TRDN: variants seen among roughly 807,000 people sequenced by gnomAD.
TRDN encodes triadin.
In TRDN, 161 loss-of-function variants were observed where a neutral mutation model predicts 149.7. The observed-to-expected ratio is 1.08, with a 90% confidence interval of 0.95 to 1.23. TRDN has a LOEUF of 1.23. Ranked by LOEUF, TRDN falls within the 50% of genes most tolerant of loss-of-function variation. TRDN has a pLI of 0.00. For synonymous variants in TRDN, 294 were observed against 250.5 expected (o/e 1.17, Z -1.64); for missense variants, 896 against 823.5 (o/e 1.09, Z -1.08).
chr6:123,376,504 A>G (rs1365610838), intron 18 of TRDN, among the ~76,000 whole-genome samples: 1 of 152,162 alleles, frequency 6.6e-6, no homozygotes, highest in Non-Finnish European at 1.5e-5. Context: ...TCCTGGCATT[A>G]CAATAGGTGC....
chr6:123,524,803 T>C (rs1478175923), intron 5 of TRDN, among the ~76,000 whole-genome samples: 1 of 152,166 alleles, frequency 6.6e-6, no homozygotes, highest in Admixed American at 6.6e-5. Context: ...ACTTTACATC[T>C]TACTTTTGCT....
At chr6:123,400,847 A>T (rs554598089) in intron 12 of TRDN, among the ~76,000 whole-genome samples, 1 of 152,296 alleles carries the variant, frequency 6.6e-6, no homozygotes, top group Admixed American at 6.5e-5. Context: ...CACCACTTTT[A>T]TCTCCTTACC....
chr6:123,308,801 A>G (rs1362188452), intron 24 of TRDN, among the ~76,000 whole-genome samples: 1 of 152,076 alleles, frequency 6.6e-6, no homozygotes, highest in Non-Finnish European at 1.5e-5. Flanking sequence ...ATAACACAGT[A>G]CAGAGAGAAT....
intron 28 of TRDN, 38 bp downstream of exon 28, chr6:123,273,298 TA>T: frequency 9.3e-7 from 1 of 1,079,142 alleles, no homozygotes; most frequent in Non-Finnish European, 1.3e-6. Flanking sequence ...TATTTTTTCG[TA>T]AGAAAGTCTA....
At chr6:123,366,257 T>C (rs1346419923) in intron 19 of TRDN, 75 bp from the exon 20 acceptor site, 23 of 1,382,084 alleles carry the variant, frequency 1.7e-5, no homozygotes, top group Non-Finnish European at 2.3e-5. Context: ...CTATTGAGAA[T>C]AAAATTAAAG....
intron 23 of TRDN, among the ~76,000 whole-genome samples, chr6:123,319,458 A>G (rs1160372697): frequency 4.6e-5 from 7 of 152,060 alleles, no homozygotes; most frequent in Non-Finnish European, 8.8e-5. Flanking sequence ...TATAAAAACA[A>G]CTATATATAT....
rs1021473954 is a variant in TRDN, at chr6:123,514,168, C to A, written c.551-1806G>T. The stretch of plus-strand genomic sequence containing the variant: ...TCACTTGAGTTCAGGAGTATGAGAC[C>A]AGCCTGGCCAACATGGCAAAAACCC... On this transcript the variant is annotated intron_variant, in intron 6 of 40. Coordinates refer to ENST00000334268, the MANE Select transcript of TRDN (RefSeq NM_006073.4). Among the ~76,000 whole-genome samples, 12 of 152,092 alleles carry A rather than the reference C, an allele frequency of 7.9e-5. No homozygotes were observed. The South Asian group carries it at 1.2e-3, about 16-fold the overall frequency.
At chr6:123,221,886 GC>G (rs1775161202) in intron 39 of TRDN, among the ~76,000 whole-genome samples, 1 of 151,692 alleles carries the variant, frequency 6.6e-6, no homozygotes, top group African/African-American at 2.4e-5. Context: ...GTAAAATCTG[GC>G]TAAAGATGAA....
intron 19 of TRDN, among the ~76,000 whole-genome samples, chr6:123,373,867 C>T (rs1781412308): frequency 6.6e-6 from 1 of 152,080 alleles, no homozygotes; most frequent in African/African-American, 2.4e-5. Context: ...AATTTAAAGG[C>T]TTTTCAATGG....
intron 8 of TRDN, among the ~76,000 whole-genome samples, chr6:123,497,731 T>C (rs1431002518): frequency 6.6e-6 from 1 of 152,160 alleles, no homozygotes; most frequent in Admixed American, 6.6e-5. Flanking sequence ...CAAAAGACTA[T>C]CAGGAGAACT....
intron 23 of TRDN, among the ~76,000 whole-genome samples, chr6:123,321,103 G>A (rs777813338): frequency 6.6e-6 from 1 of 152,072 alleles, no homozygotes; most frequent in Non-Finnish European, 1.5e-5. Context: ...AAAACGTGGT[G>A]GCTGAGGACA....
chr6:123,600,444 G>T (rs1422724344), intron 1 of TRDN, among the ~76,000 whole-genome samples: 1 of 151,074 alleles, frequency 6.6e-6, no homozygotes, highest in East Asian at 2.0e-4. Context: ...GGTGTGTAAA[G>T]GGGAAAGATT....
intron 2 of TRDN, among the ~76,000 whole-genome samples, chr6:123,565,703 A>G (rs571233589): frequency 2.6e-5 from 4 of 152,298 alleles, no homozygotes; most frequent in Non-Finnish European, 5.9e-5. Context: ...GATCCCAGAG[A>G]GTCTAGCTGC....
At chr6:123,280,033 A>G (rs952685826) in intron 24 of TRDN, among the ~76,000 whole-genome samples, 6 of 152,180 alleles carry the variant, frequency 3.9e-5, no homozygotes, top group South Asian at 2.1e-4. Context: ...GAAACAAATG[A>G]GATGTACCCT....
intron 9 of TRDN, among the ~76,000 whole-genome samples, chr6:123,494,413 A>T (rs1778347140): frequency 6.6e-6 from 1 of 152,184 alleles, no homozygotes; most frequent in African/African-American, 2.4e-5. Context: ...TCCCTCGCTG[A>T]ATTTCTTAGT....
At chr6:123,499,719 A>AAAAAAAAAAAAAAAAAAAAAT in intron 8 of TRDN, among the ~76,000 whole-genome samples, 12 of 47,672 alleles carry the variant, frequency 2.5e-4, no homozygotes, top group Non-Finnish European at 4.9e-4. Flanking sequence ...AAAAAAAAAA[A>AAAAAAAAAAAAAAAAAAAAAT]ATATATATAT....
intron 1 of TRDN, among the ~76,000 whole-genome samples, chr6:123,629,220 G>T (rs1295301513): frequency 6.6e-6 from 1 of 151,992 alleles, no homozygotes; most frequent in African/African-American, 2.4e-5. Flanking sequence ...TATTTTCAAA[G>T]GCAACAGACA....
chr6:123,331,955 T>C lies in TRDN; in HGVS notation c.1421-26A>G, dbSNP rs1233588606. Reference sequence around the variant, plus strand: ...CTGAAAAGAAACATCGGACATTTATTTGAAGCCAAGACAAAGAGATTTTCA... The same window carrying C: ...CTGAAAAGAAACATCGGACATTTATCTGAAGCCAAGACAAAGAGATTTTCA... On this transcript the variant is annotated intron_variant, in intron 22 of 40. Transcript: ENST00000334268. 6 of 1,518,506 alleles carry C rather than the reference T, an allele frequency of 4.0e-6. No homozygotes were observed. In the African/African-American group the frequency reaches 5.5e-5, roughly 14 times the overall value. 94.1% of individuals were successfully genotyped at this position (1,518,506 alleles called of 1,614,324 possible). A position where few individuals can be genotyped will look rare whatever the true frequency, so the allele number is the denominator to read the frequency against.
At chr6:123,627,481 G>T (rs1785739112) in intron 1 of TRDN, among the ~76,000 whole-genome samples, 1 of 152,088 alleles carries the variant, frequency 6.6e-6, no homozygotes, top group African/African-American at 2.4e-5. Context: ...GTGCTGTCAT[G>T]CAGGCTTTAT....
Sources: gnomAD v4.1 joint callset for allele counts (sites outside exome capture counted in the v4.1 genomes callset) on GRCh38, gnomAD v4.1.1 for gene constraint, MANE v1.5 for transcripts, NCBI Gene and HGNC (gene_info 2026-07-23, HGNC 2026-07-21) for gene names.